The following RANBP3L variants were observed in gnomAD, a reference collection of about 807,000 sequenced individuals.
RANBP3L encodes the protein ran-binding protein 3-like.
In RANBP3L, 56 loss-of-function variants were observed where a neutral mutation model predicts 67.2. The observed-to-expected ratio is 0.83, with a 90% CI of 0.67 to 1.04. RANBP3L has a LOEUF of 1.04. Among genes scored for constraint, RANBP3L ranks in the 50% least tolerant of loss-of-function variants. The pLI is 0.00. For synonymous variants in RANBP3L, 164 were observed against 181.4 expected, an observed-to-expected ratio of 0.90 and a Z score of 0.77; for missense variants, 496 against 535.5, an observed-to-expected ratio of 0.93 and a Z score of 0.73.
Position 36,251,462 on chromosome 5 carries a change from A to C in RANBP3L, c.1205T>G (p.Ile402Arg). The change falls in exon 13 of 14, where the codon ATA becomes AGA. Residue 402 changes from isoleucine to arginine, a missense_variant. Physicochemically the swap from Ile to Arg is moderately conservative, Grantham distance 97 (BLOSUM62 -3). Transcript: ENST00000296604. Reference sequence around the variant, plus strand: ...TTGAAGTGCAACAAGACGATGATGTATTGCTGCATACAAATATGCTGTATC... The same window carrying C: ...TTGAAGTGCAACAAGACGATGATGTCTTGCTGCATACAAATATGCTGTATC... ...AQDTAYLYAA[I>R]HHRLVALQSF... 6.2e-7 allele frequency: 1 copy of C among 1,612,490 alleles called. No homozygotes were observed. Among genetic ancestry groups the C allele is most frequent in the African/African-American group, 1.3e-5 (1 of 75,002 alleles).
intron 1 of RANBP3L, among the ~76,000 whole-genome samples, chr5:36,272,462 A>T (rs6897135): frequency 0.75 from 114,751 of 152,114 alleles, 48,612 homozygotes; most frequent in Non-Finnish European, 0.96. Flanking sequence ...ACTACCAGAC[A>T]TATACAACTT....
chr5:36,250,239 A>G (rs1358928231), intron 13 of RANBP3L, among the ~76,000 whole-genome samples: 1 of 152,000 alleles, frequency 6.6e-6, no homozygotes, highest in African/African-American at 2.4e-5. Flanking sequence ...CAGTGTAAAC[A>G]TTATTATAAA....
chr5:36,296,421 A>G (rs550927104), intron 1 of RANBP3L, among the ~76,000 whole-genome samples: 1 of 152,288 alleles, frequency 6.6e-6, no homozygotes, highest in East Asian at 1.9e-4. Flanking sequence ...AGAAGACAAA[A>G]AGAAAATCAT....
At chr5:36,262,651 C>G (rs1284988769) in intron 6 of RANBP3L, among the ~76,000 whole-genome samples, 2 of 151,998 alleles carry the variant, frequency 1.3e-5, no homozygotes, top group Admixed American at 1.3e-4. Flanking sequence ...ATTCCTTCCT[C>G]GACCAGGAAT....
chr5:36,300,995 T>A (rs190582410), intron 1 of RANBP3L, among the ~76,000 whole-genome samples: 2 of 152,286 alleles, frequency 1.3e-5, no homozygotes, highest in Non-Finnish European at 2.9e-5. Context: ...CAGGCTAACT[T>A]AAAGCTACTC....
chr5:36,249,796 CAT>C lies in RANBP3L; in HGVS notation c.1355-101_1355-100del. 6.2e-6 allele frequency: 3 copies of C among 485,594 alleles called. No individual in the cohort carries two copies. In the South Asian group the frequency reaches 1.4e-4, roughly 23 times the overall value. The allele number at this position is 485,594 out of a possible 1,614,324, so 30.1% of individuals were successfully genotyped here. ...AAACATGAATATTAATGAATATACT[CAT>C]TGGTGATGAAATAAAAGCTACAGAA... On this transcript the variant is annotated intron_variant, in intron 13 of 13. Coordinates refer to ENST00000296604, the MANE Select transcript of RANBP3L (RefSeq NM_145000.5).
At chr5:36,294,891 A>AT (rs1752088751) in intron 1 of RANBP3L, among the ~76,000 whole-genome samples, 1 of 148,482 alleles carries the variant, frequency 6.7e-6, no homozygotes, top group African/African-American at 2.5e-5. Flanking sequence ...TACACTATAT[A>AT]TACATATATG....
At chr5:36,291,506 G>A (rs1048481522) in intron 1 of RANBP3L, among the ~76,000 whole-genome samples, 3 of 151,748 alleles carry the variant, frequency 2.0e-5, no homozygotes, top group African/African-American at 4.8e-5. Flanking sequence ...CCACTAACTC[G>A]TCATCTAGCA....
At chr5:36,250,713 C>T (rs972867527) in intron 13 of RANBP3L, among the ~76,000 whole-genome samples, 15 of 152,016 alleles carry the variant, frequency 9.9e-5, no homozygotes, top group Admixed American at 2.0e-4. Context: ...AAGAGAAGTA[C>T]GAATATTAGT....
intron 1 of RANBP3L, among the ~76,000 whole-genome samples, chr5:36,294,965 T>C (rs1752099082): frequency 6.8e-6 from 1 of 147,126 alleles, no homozygotes; most frequent in African/African-American, 2.6e-5. Context: ...TATATATGTA[T>C]GTATACATAT....
chr5:36,265,365 C>G, intron 5 of RANBP3L, 84 bp downstream of exon 5: 1 of 876,768 alleles, frequency 1.1e-6, no homozygotes, highest in South Asian at 1.7e-5. Context: ...TCCATGCCCC[C>G]AACACACGCA....
intron 12 of RANBP3L, among the ~76,000 whole-genome samples, chr5:36,252,781 C>G (rs926338691): frequency 3.3e-5 from 5 of 151,992 alleles, no homozygotes; most frequent in Admixed American, 3.3e-4. Context: ...AAATGGTAAA[C>G]GGGGTTTGTA....
chr5:36,291,199 AAAC>A (rs1234732038), intron 1 of RANBP3L, among the ~76,000 whole-genome samples: 1 of 152,086 alleles, frequency 6.6e-6, no homozygotes, highest in Admixed American at 6.6e-5. Flanking sequence ...CTGTACCATT[AAAC>A]AACATATCCT....
intron 10 of RANBP3L, 84 bp downstream of exon 10, chr5:36,256,857 T>G (rs1163706625): frequency 7.8e-7 from 1 of 1,279,576 alleles, no homozygotes; most frequent in Admixed American, 2.0e-5. Context: ...CTTCTGTCTG[T>G]ATTTTTAAAG....
At position 36,274,182 on chromosome 5, in the gene RANBP3L, T is replaced by C. The variant is rs1159568729; in HGVS notation, c.92-2871A>G. On this transcript the variant is annotated intron_variant, in intron 1 of 13. Coordinates refer to ENST00000296604, the MANE Select transcript of RANBP3L (RefSeq NM_145000.5). Reference sequence around the variant, plus strand: ...TCGATTAAACTCTAAGAAATTTAATTTTTCTAAACTTTTTCCTTTAACATG... The same window carrying C: ...TCGATTAAACTCTAAGAAATTTAATCTTTCTAAACTTTTTCCTTTAACATG... Among the ~76,000 whole-genome samples, 7 of 152,196 alleles carry C rather than the reference T, an allele frequency of 4.6e-5. 1 individual carries two copies. The highest frequency in any genetic ancestry group is 4.6e-4 in the Admixed American group (7 of 15,274).
rs772533500 is a variant in RANBP3L at position 36,257,000 on chromosome 5, AT to A, written c.843del (p.Lys281AsnfsTer10). The A allele has an allele frequency of 6.2e-7, 1 of 1,613,034 alleles. No homozygotes were observed. Among genetic ancestry groups the A allele is most frequent in the Non-Finnish European group, 8.5e-7 (1 of 1,179,306 alleles). On this transcript the variant is annotated frameshift_variant, in exon 10 of 14. Transcript: ENST00000296604. LOFTEE classifies it high-confidence loss of function. ...ATAACATCAATTTTCTCCAGCAAGC[AT>A]TTTCGTGATGGTTGGGAAGAGAATG... The part of the protein sequence containing the change: ...AAAFSSQPSR[K>X]CLLEKIDVIT...
intron 1 of RANBP3L, among the ~76,000 whole-genome samples, chr5:36,283,411 A>AC: frequency 6.6e-6 from 1 of 151,842 alleles, no homozygotes; most frequent in South Asian, 2.1e-4. Context: ...AAAAAAAAAA[A>AC]AACACCAAAA....
chr5:36,283,417 C>CA (rs1320057864), intron 1 of RANBP3L, among the ~76,000 whole-genome samples: 1 of 147,756 alleles, frequency 6.8e-6, no homozygotes, highest in East Asian at 2.0e-4. Context: ...AAAAAAACAC[C>CA]AAAATTTTAA....
rs1180227294 is a variant in RANBP3L, at chr5:36,247,596, A to C, written c.*2058T>G. ...CGAGGATGAACATGTCAAAAAGATA[A>C]AGATGACCAGGTGTGGTGGCTCACG... On this transcript the variant is annotated 3_prime_UTR_variant, in exon 14 of 14. Transcript: ENST00000296604. Among the ~76,000 whole-genome samples, 4 of 152,220 alleles carry C rather than the reference A, an allele frequency of 2.6e-5. No individual in the cohort carries two copies. Among genetic ancestry groups the C allele is most frequent in the African/African-American group, 4.8e-5 (2 of 41,462 alleles).
Sources: allele counts gnomAD v4.1 joint callset (sites outside exome capture counted in the v4.1 genomes callset), GRCh38; gene constraint gnomAD v4.1.1; transcripts MANE v1.5; gene names NCBI Gene and HGNC (gene_info 2026-07-23, HGNC 2026-07-21).